CCDC7: variants seen among roughly 807,000 people sequenced by gnomAD.
The protein encoded by CCDC7 is coiled-coil domain-containing protein 7.
CCDC7 carries 183 observed loss-of-function variants against 196.9 expected under a neutral mutation model. The ratio of observed to expected loss-of-function variants is 0.93; its 90% confidence interval spans 0.82 to 1.05. The LOEUF is 1.05. Ranked by LOEUF, CCDC7 falls within the 50% of genes least tolerant of loss-of-function variation. The pLI is 0.00. For synonymous variants in CCDC7, 525 were observed against 484.6 expected (o/e 1.08, Z -1.10); for missense variants, 1,540 against 1,482.2 (o/e 1.04, Z -0.64).
chr10:32,747,161 T>C (rs2074908551), intron 28 of CCDC7, among the ~76,000 whole-genome samples: 1 of 152,140 alleles, frequency 6.6e-6, no homozygotes, highest in South Asian at 2.1e-4. Flanking sequence ...CCTGGCCCCA[T>C]AGGAAGAAGA....
At chr10:32,602,024 G>T (rs2061084178) in intron 18 of CCDC7, among the ~76,000 whole-genome samples, 1 of 152,058 alleles carries the variant, frequency 6.6e-6, no homozygotes, top group Non-Finnish European at 1.5e-5. Flanking sequence ...TCCACACTGT[G>T]GAAGCTTTGT....
intron 30 of CCDC7, among the ~76,000 whole-genome samples, chr10:32,813,858 G>T (rs2135399053): frequency 6.6e-6 from 1 of 152,118 alleles, no homozygotes; most frequent in Non-Finnish European, 1.5e-5. Context: ...ATATAGTCTG[G>T]CTTATATAAT....
At chr10:32,751,592 C>A (rs907196446) in intron 28 of CCDC7, among the ~76,000 whole-genome samples, 1 of 152,032 alleles carries the variant, frequency 6.6e-6, no homozygotes, top group Non-Finnish European at 1.5e-5. Context: ...ATAGATAGGG[C>A]CATATATTGG....
intron 11 of CCDC7, among the ~76,000 whole-genome samples, chr10:32,530,432 T>C (rs958655471): frequency 2.0e-5 from 3 of 152,124 alleles, no homozygotes; most frequent in Non-Finnish European, 4.4e-5. Flanking sequence ...CTATACTGAA[T>C]GGGGAAAAAC....
At chr10:32,644,967 A>G (rs1477859023) in intron 20 of CCDC7, among the ~76,000 whole-genome samples, 1 of 152,332 alleles carries the variant, frequency 6.6e-6, no homozygotes, top group East Asian at 1.9e-4. Flanking sequence ...CAAATTACCC[A>G]GTCTCAGGTA....
chr10:32,493,485 C>T (rs2042448314), intron 9 of CCDC7, among the ~76,000 whole-genome samples: 1 of 151,518 alleles, frequency 6.6e-6, no homozygotes, highest in South Asian at 2.1e-4. Flanking sequence ...GTGAATAATA[C>T]TGCAGTGAAC....
At chr10:32,483,492 T>C (rs561493165) in intron 8 of CCDC7, among the ~76,000 whole-genome samples, 25 of 152,362 alleles carry the variant, frequency 1.6e-4, no homozygotes, top group African/African-American at 5.8e-4. Context: ...AGAAGCTCTG[T>C]AGTTTAATTC....
intron 20 of CCDC7, among the ~76,000 whole-genome samples, chr10:32,653,754 A>G (rs1458526064): frequency 6.6e-6 from 1 of 152,184 alleles, no homozygotes; most frequent in African/African-American, 2.4e-5. Flanking sequence ...AAATGTTGCA[A>G]TTTCTAGAAA....
intron 11 of CCDC7, among the ~76,000 whole-genome samples, chr10:32,535,925 C>T (rs1231853337): frequency 6.6e-6 from 1 of 151,938 alleles, no homozygotes; most frequent in African/African-American, 2.4e-5. Context: ...GATGTGATGC[C>T]AGAGTCAGGT....
Position 32,560,141 on chromosome 10 carries a change from G to A in CCDC7, c.1135-5417G>A, listed in dbSNP as rs1381939618. ...TAGAGGAAAAAGAATAAAAAGAAAC[G>A]AACAAAGCCTCCAAGAAATATGGGA... On this transcript the variant is annotated intron_variant, in intron 13 of 41. Transcript: ENST00000639629. Among the ~76,000 whole-genome samples the A allele has an allele frequency of 9.2e-5, 14 of 152,220 alleles. No individual in the cohort carries two copies. The East Asian group carries it at 1.9e-3, about 21-fold the overall frequency.
intron 20 of CCDC7, among the ~76,000 whole-genome samples, chr10:32,642,755 G>C (rs1387279346): frequency 6.6e-6 from 1 of 152,158 alleles, no homozygotes; most frequent in Non-Finnish European, 1.5e-5. Context: ...CACTCACACT[G>C]GGATCTGTAG....
intron 28 of CCDC7, among the ~76,000 whole-genome samples, chr10:32,752,282 CATTTACATGGG>C (rs1338008381): frequency 2.6e-5 from 4 of 152,078 alleles, no homozygotes; most frequent in Non-Finnish European, 4.4e-5. Flanking sequence ...TTCCTATGCA[CATTTACATGGG>C]GGATGGATAA....
intron 18 of CCDC7, among the ~76,000 whole-genome samples, chr10:32,596,952 A>G (rs948015163): frequency 1.3e-5 from 2 of 152,066 alleles, no homozygotes; most frequent in Non-Finnish European, 1.5e-5. Flanking sequence ...GCTGCCCTTA[A>G]CATTTTTTTG....
chr10:32,645,702 T>C (rs1487669449), intron 20 of CCDC7, among the ~76,000 whole-genome samples: 2 of 152,008 alleles, frequency 1.3e-5, no homozygotes, highest in Non-Finnish European at 2.9e-5. Flanking sequence ...TAATTATTGC[T>C]TTTGATTTTG....
At chr10:32,568,286 T>C (rs1048370284) in intron 15 of CCDC7, among the ~76,000 whole-genome samples, 1 of 152,176 alleles carries the variant, frequency 6.6e-6, no homozygotes, top group African/African-American at 2.4e-5. Context: ...ATTACAGGCA[T>C]GAGCCACCGC....
chr10:32,860,499 G>A (rs112122160), intron 41 of CCDC7, among the ~76,000 whole-genome samples: 230 of 152,180 alleles, frequency 1.5e-3, no homozygotes, highest in African/African-American at 5.2e-3. Flanking sequence ...TTTTAAAACC[G>A]GCACAAGACA....
intron 28 of CCDC7, among the ~76,000 whole-genome samples, chr10:32,754,646 G>C (rs1318051327): frequency 2.0e-5 from 3 of 152,260 alleles, no homozygotes; most frequent in Non-Finnish European, 4.4e-5. Flanking sequence ...TAATAAACAT[G>C]AGGGAGGTTC....
chr10:32,660,619 A>G (rs946498346), intron 20 of CCDC7, among the ~76,000 whole-genome samples: 14 of 151,044 alleles, frequency 9.3e-5, no homozygotes, highest in African/African-American at 3.4e-4. Flanking sequence ...AGCATGATTT[A>G]TAGTCCTTTG....
Position 32,463,000 on chromosome 10 carries a change from CTT to C in CCDC7, c.478-14_478-13del, listed in dbSNP as rs1005005948. 3 of 1,612,724 alleles carry C rather than the reference CTT, an allele frequency of 1.9e-6. No individual in the cohort carries two copies. The highest frequency in any genetic ancestry group is 2.5e-6 in the Non-Finnish European group (3 of 1,179,512). Reference sequence around the variant, plus strand: ...AGTCACTATTTCTTTTTTTGTCCCTCTTTTGTTTTCTTAAAGTGGTTTCAGTG... The same window carrying C: ...AGTCACTATTTCTTTTTTTGTCCCTCTTGTTTTCTTAAAGTGGTTTCAGTG... On this transcript the variant is annotated splice_polypyrimidine_tract_variant and intron_variant, in intron 4 of 41. Coordinates refer to ENST00000639629, the Ensembl canonical transcript of CCDC7.
Sources: allele counts gnomAD v4.1 joint callset (sites outside exome capture counted in the v4.1 genomes callset), GRCh38; gene constraint gnomAD v4.1.1; transcripts MANE v1.5; gene names NCBI Gene and HGNC (gene_info 2026-07-23, HGNC 2026-07-21).